Variants in AGAP1 observed in about 807,000 individuals in gnomAD.
AGAP1 encodes ArfGAP with GTPase domain, ankyrin repeat and PH domain 1.
Under a neutral mutation model 105.3 loss-of-function variants are expected in AGAP1, and 29 were observed. The ratio of observed to expected loss-of-function variants is 0.28; its 90% CI spans 0.21 to 0.38. The LOEUF (loss-of-function observed/expected upper bound fraction) is 0.38. Ranked by LOEUF, AGAP1 falls within the 10% of genes least tolerant of loss-of-function variation. The pLI, the probability that AGAP1 is intolerant of heterozygous loss-of-function variation, is 1.00. For synonymous variants in AGAP1, 509 were observed against 485.9 expected, an observed-to-expected ratio of 1.05 and a Z score of -0.63; for missense variants, 998 against 1,165.1, an observed-to-expected ratio of 0.86 and a Z score of 2.09.
chr2:236,023,633 C>T (rs557336589), intron 13 of AGAP1, among the ~76,000 whole-genome samples: 7 of 152,200 alleles, frequency 4.6e-5, no homozygotes, highest in Non-Finnish European at 1.0e-4. Flanking sequence ...GTTGTATTGT[C>T]CCGTCTTTTC....
intron 9 of AGAP1, among the ~76,000 whole-genome samples, chr2:235,826,311 T>C (rs1471175774): frequency 6.6e-6 from 1 of 152,250 alleles, no homozygotes; most frequent in African/African-American, 2.4e-5. Flanking sequence ...TCAGAGATGC[T>C]GCTTGGGCAG....
At chr2:236,117,056 T>G (rs1472636939) in intron 16 of AGAP1, among the ~76,000 whole-genome samples, 1 of 152,234 alleles carries the variant, frequency 6.6e-6, no homozygotes, top group Admixed American at 6.5e-5. Context: ...ATTGTGCTGC[T>G]ATAAACGTGT....
intron 1 of AGAP1, among the ~76,000 whole-genome samples, chr2:235,636,024 A>T (rs1278045581): frequency 6.6e-6 from 1 of 151,972 alleles, no homozygotes; most frequent in African/African-American, 2.4e-5. Context: ...GAGGCAGGAG[A>T]ATAGCTTGAA....
chr2:235,927,975 G>A lies in AGAP1; in HGVS notation c.1325-2790G>A, dbSNP rs2052534330. Among the ~76,000 whole-genome samples the A allele has an allele frequency of 6.6e-6, 1 of 152,190 alleles. No individual in the cohort carries two copies. Among genetic ancestry groups the A allele is most frequent in the Non-Finnish European group, 1.5e-5 (1 of 68,036 alleles). Reference sequence around the variant, plus strand: ...TAATGACTTGACAGGGGTCTGATTGGGCATTGCAGTGTGGAAGGAATTACC... The same window carrying A: ...TAATGACTTGACAGGGGTCTGATTGAGCATTGCAGTGTGGAAGGAATTACC... On this transcript the variant is annotated intron_variant, in intron 11 of 17. Transcript: ENST00000304032. The surrounding 1 kb of genome is among the most constrained non-coding windows in gnomAD (Gnocchi z 4.4).
At chr2:235,826,489 AC>A (rs1172947989) in intron 9 of AGAP1, among the ~76,000 whole-genome samples, 3 of 151,014 alleles carry the variant, frequency 2.0e-5, no homozygotes, top group Non-Finnish European at 4.4e-5. Flanking sequence ...CTGCTCTGTC[AC>A]CCAGGCTGGA....
At position 235,788,785 on chromosome 2, in the gene AGAP1, C is replaced by T. The variant is rs1193825114; in HGVS notation, c.674-8974C>T. On this transcript the variant is annotated intron_variant, in intron 6 of 17. Transcript: ENST00000304032. This position sits in a 1 kb window ranked among gnomAD's most constrained non-coding sequence, Gnocchi z 6.0. ...GGAAGCAGAATGGAGCCCTCAGAAG[C>T]GCGCATTCAGACCGGCAGTAGACAA... is the stretch of plus-strand genomic sequence containing the variant. 2.0e-5 allele frequency among the ~76,000 whole-genome samples: 3 copies of T among 152,142 alleles called. No individual in the cohort carries two copies. Among genetic ancestry groups the T allele is most frequent in the African/African-American group, 2.4e-5 (1 of 41,434 alleles).
intron 9 of AGAP1, among the ~76,000 whole-genome samples, chr2:235,823,582 G>C (rs997506042): frequency 1.3e-5 from 2 of 152,184 alleles, no homozygotes; most frequent in Non-Finnish European, 2.9e-5. Context: ...GGTCCTTCCA[G>C]ATGCTCTTCC....
chr2:235,626,809 T>C (rs912310720), intron 1 of AGAP1, among the ~76,000 whole-genome samples: 1 of 152,230 alleles, frequency 6.6e-6, no homozygotes, highest in African/African-American at 2.4e-5. Context: ...TCCTCAACTC[T>C]TGTAGGGAGA....
In AGAP1 at chr2:235,931,026, G is replaced by A; in HGVS notation, c.1483+103G>A. The A allele has an allele frequency of 7.4e-7, 1 of 1,357,780 alleles. No individual in the cohort carries two copies. Among genetic ancestry groups the A allele is most frequent in the Non-Finnish European group, 9.9e-7 (1 of 1,012,838 alleles). The allele number at this position is 1,357,780 out of a possible 1,614,324, so 84.1% of individuals were successfully genotyped here. A position where few individuals can be genotyped will look rare whatever the true frequency, so the allele number is the denominator to read the frequency against. On this transcript the variant is annotated intron_variant, in intron 12 of 17. Coordinates refer to ENST00000304032, the MANE Select transcript of AGAP1 (RefSeq NM_001037131.3). The surrounding 1 kb of genome is among the most constrained non-coding windows in gnomAD (Gnocchi z 5.6). ...CCTAAGCTCTCATGCTCCTCTGGGAGCGCAGCACCCTGTGGGGCGGCTGCA... is the reference window on the plus strand; with the variant it reads ...CCTAAGCTCTCATGCTCCTCTGGGAACGCAGCACCCTGTGGGGCGGCTGCA...
chr2:235,992,776 T>A lies in AGAP1; in HGVS notation c.1645+24153T>A, dbSNP rs2055626419. Among the ~76,000 whole-genome samples, 1 of 152,208 alleles carries A rather than the reference T, an allele frequency of 6.6e-6. No homozygotes were observed. The highest frequency in any genetic ancestry group is 1.5e-5 in the Non-Finnish European group (1 of 68,024). ...GGGCGCCGAGGAGAGCGTAGCCTCC[T>A]GTTAACGTAGCCTCCTGCTGCTCTT... On this transcript the variant is annotated intron_variant, in intron 13 of 17. Coordinates refer to ENST00000304032, the MANE Select transcript of AGAP1 (RefSeq NM_001037131.3). The surrounding 1 kb of genome is among the most constrained non-coding windows in gnomAD (Gnocchi z 4.8).
At chr2:235,809,275 G>A (rs533492315) in intron 9 of AGAP1, among the ~76,000 whole-genome samples, 108 of 152,146 alleles carry the variant, frequency 7.1e-4, no homozygotes, top group Non-Finnish European at 1.1e-3. Flanking sequence ...TGACCATCAA[G>A]CGTAAAATGA....
chr2:235,632,476 G>A (rs1946861385), intron 1 of AGAP1, among the ~76,000 whole-genome samples: 4 of 152,190 alleles, frequency 2.6e-5, no homozygotes, highest in Admixed American at 2.6e-4. Flanking sequence ...TGCCTGGTGA[G>A]CTTTACATGC....
intron 9 of AGAP1, among the ~76,000 whole-genome samples, chr2:235,809,169 C>T (rs1031698659): frequency 2.6e-5 from 4 of 151,994 alleles, no homozygotes; most frequent in East Asian, 1.9e-4. Context: ...GGTGGGCCCC[C>T]GGTATAATTG....
intron 16 of AGAP1, among the ~76,000 whole-genome samples, chr2:236,102,006 G>T (rs2059358107): frequency 6.6e-6 from 1 of 152,206 alleles, no homozygotes; most frequent in South Asian, 2.1e-4. Flanking sequence ...TTGAGGCTGG[G>T]CCCGGTGGCT....
Position 235,777,141 on chromosome 2 carries a change from G to A in AGAP1, c.674-20618G>A, listed in dbSNP as rs1012062806. The A allele has an allele frequency of 2.9e-5, 13 of 448,792 alleles. 1 individual carries two copies. The highest frequency in any genetic ancestry group is 2.0e-4 in the Admixed American group (8 of 40,624). 27.8% of individuals were successfully genotyped at this position (448,792 alleles called of 1,614,324 possible). On this transcript the variant is annotated intron_variant, in intron 6 of 17. Coordinates refer to ENST00000304032, the MANE Select transcript of AGAP1 (RefSeq NM_001037131.3). This position sits in a 1 kb window ranked among gnomAD's most constrained non-coding sequence, Gnocchi z 5.1. ...TGAGAGGCCAAGGCGGGTGGATCAC[G>A]AGGTCAGGAGATCGAGACCATCCTG...
intron 16 of AGAP1, chr2:236,072,353 A>G (rs1455089710): frequency 2.6e-5 from 4 of 152,144 alleles, no homozygotes; most frequent in South Asian, 4.1e-4. Flanking sequence ...AGGCAGGAGA[A>G]TCGCTTGAAC....
Position 235,664,854 on chromosome 2 carries a change from C to T in AGAP1, c.164-44325C>T, listed in dbSNP as rs554036023. Among the ~76,000 whole-genome samples the T allele has an allele frequency of 6.6e-6, 1 of 152,268 alleles. No homozygotes were observed. Among genetic ancestry groups the T allele is most frequent in the East Asian group, 1.9e-4 (1 of 5,170 alleles). ...ACGTGTGAGTGATGCCACCTCAACCCTTAGCCAGGTGCAGGCGTAACAAGG... is the reference window on the plus strand; with the variant it reads ...ACGTGTGAGTGATGCCACCTCAACCTTTAGCCAGGTGCAGGCGTAACAAGG... On this transcript the variant is annotated intron_variant, in intron 1 of 17. Transcript: ENST00000304032. The surrounding 1 kb of genome is among the most constrained non-coding windows in gnomAD (Gnocchi z 5.7).
In AGAP1 at chr2:236,105,839, C is replaced by T. The variant is rs2059475566; in HGVS notation, c.2115-14353C>T. ...GTCTCGATCTCCTGACCTCATGATC[C>T]ACCCTCCTCGGCCTCCCAAAGTGCT... is the stretch of plus-strand genomic sequence containing the variant. On this transcript the variant is annotated intron_variant, in intron 16 of 17. Transcript: ENST00000304032. The surrounding 1 kb of genome is among the most constrained non-coding windows in gnomAD (Gnocchi z 4.2). 6.6e-6 allele frequency among the ~76,000 whole-genome samples: 1 copy of T among 152,114 alleles called. No individual in the cohort carries two copies. Among genetic ancestry groups the T allele is most frequent in the Admixed American group, 6.5e-5 (1 of 15,272 alleles).
intron 1 of AGAP1, chr2:235,670,656 G>T (rs1476970219): frequency 3.1e-6 from 2 of 644,036 alleles, no homozygotes; most frequent in Non-Finnish European, 5.6e-6. Flanking sequence ...TGGGCGCCGT[G>T]CGACGAGGCC....
Sources: allele counts gnomAD v4.1 joint callset (sites outside exome capture counted in the v4.1 genomes callset), GRCh38; gene constraint gnomAD v4.1.1; non-coding constraint Gnocchi (gnomAD v3.1); transcripts MANE v1.5; gene names NCBI Gene and HGNC (gene_info 2026-07-23, HGNC 2026-07-21).